Variants in TLR8 observed in about 807,000 individuals in gnomAD.
TLR8 encodes toll-like receptor 8.
Under a neutral mutation model 18.5 loss-of-function variants are expected in TLR8, and 5 were observed. The ratio of observed to expected loss-of-function variants is 0.27; its 90% CI spans 0.14 to 0.57. The LOEUF (loss-of-function observed/expected upper bound fraction) is 0.57. Ranked by LOEUF, TLR8 falls within the 20% of genes least tolerant of loss-of-function variation. The probability of loss-of-function intolerance (pLI) is 0.92; values close to 1 mark genes in which losing one functional copy is unlikely to be tolerated. For synonymous variants in TLR8, 299 were observed against 300.1 expected (o/e 1.00, Z 0.04); for missense variants, 543 against 769.8 (o/e 0.71, Z 3.49).
At chrX:12,907,083 A>T (rs1426605563) in intron 1 of TLR8, among the ~76,000 whole-genome samples, 1 of 112,415 alleles carries the variant, frequency 8.9e-6, no homozygotes. Flanking sequence ...TGAGGGAAAT[A>T]TTCTTCCTTT....
chrX:12,918,941 T>C, intron 1 of TLR8, 103 bp from the exon 2 acceptor site: 1 of 902,516 alleles, frequency 1.1e-6, no homozygotes. Context: ...AATGCACACA[T>C]CAAAATTCAT....
intron 1 of TLR8, among the ~76,000 whole-genome samples, chrX:12,914,228 A>G (rs1267623263): frequency 8.9e-6 from 1 of 111,825 alleles, no homozygotes; most frequent in African/African-American, 3.3e-5. Flanking sequence ...CTCACATTTT[A>G]TACCTAAACA....
chrX:12,914,756 T>G (rs1158857607), intron 1 of TLR8, among the ~76,000 whole-genome samples: 1 of 112,114 alleles, frequency 8.9e-6, no homozygotes, highest in Non-Finnish European at 1.9e-5. Flanking sequence ...ACTGAAGTTC[T>G]GTGCCCTCTT....
At chrX:12,908,811 T>G (rs1420942573) in intron 1 of TLR8, among the ~76,000 whole-genome samples, 13 of 112,544 alleles carry the variant, frequency 1.2e-4, no homozygotes. Flanking sequence ...ATGCTTTCTC[T>G]GAAAAGCTGA....
Position 12,919,078 on chromosome X carries a change from G to A in TLR8, c.38G>A (p.Cys13Tyr), listed in dbSNP as rs747672778. The A allele has an allele frequency of 1.7e-6, 2 of 1,208,542 alleles. No individual in the cohort carries two copies. The highest frequency in any genetic ancestry group is 1.7e-5 in the African/African-American group (1 of 57,665). ...TTCCTTCAGTCGTCAATGCTGACCT[G>A]CATTTTCCTGCTAATATCTGGTTCC... ...NMFLQSSMLT[C>Y]IFLLISGSCE... The change falls in exon 2 of 2, where the codon TGC (cysteine) becomes TAC (tyrosine). Residue 13 changes from cysteine (C) to tyrosine (Y), a missense_variant. Physicochemically the swap from Cys to Tyr is radical, Grantham distance 194 (BLOSUM62 -2). Coordinates refer to ENST00000218032, the MANE Select transcript of TLR8 (RefSeq NM_138636.5).
At chrX:12,909,271 C>G (rs1166284019) in intron 1 of TLR8, among the ~76,000 whole-genome samples, 1 of 112,352 alleles carries the variant, frequency 8.9e-6, no homozygotes, top group East Asian at 2.8e-4. Flanking sequence ...AATTCATAAA[C>G]TTTCTGAAAA....
In TLR8 at chrX:12,922,568, C is replaced by T. The variant is rs1176423394; in HGVS notation, c.*402C>T. 3 of 127,075 alleles carry T rather than the reference C, an allele frequency of 2.4e-5. No individual in the cohort carries two copies. The East Asian group carries it at 7.2e-4, about 30-fold the overall frequency. 10.5% of individuals were successfully genotyped at this position (127,075 alleles called of 1,213,427 possible). On this transcript the variant is annotated 3_prime_UTR_variant, in exon 2 of 2. Coordinates refer to ENST00000218032, the MANE Select transcript of TLR8 (RefSeq NM_138636.5). The stretch of plus-strand genomic sequence containing the variant: ...AGATGAAGTCACAATCTTTTGTAAT[C>T]GAATCAAAAAAGTGATATCTCATCA...
At position 12,922,189 on chromosome X, in the gene TLR8, C is replaced by T. The variant is rs1213419494; in HGVS notation, c.*23C>T. ...TAACTGACGTTAAGTCATGATTTCG[C>T]GCCATAATAAAGATGCAAAGGAATG... is the stretch of plus-strand genomic sequence containing the variant. On this transcript the variant is annotated 3_prime_UTR_variant, in exon 2 of 2. Transcript: ENST00000218032. 8.6e-6 allele frequency: 10 copies of T among 1,166,576 alleles called. No homozygotes were observed. The South Asian group carries it at 1.2e-4, about 14-fold the overall frequency.
chrX:12,916,340 C>T (rs776654978), intron 1 of TLR8, among the ~76,000 whole-genome samples: 1 of 112,150 alleles, frequency 8.9e-6, no homozygotes, highest in Non-Finnish European at 1.9e-5. Flanking sequence ...CTTCCCAGGC[C>T]ACCCACTAGC....
intron 1 of TLR8, among the ~76,000 whole-genome samples, chrX:12,917,142 C>A (rs2043061143): frequency 8.9e-6 from 1 of 112,305 alleles, no homozygotes; most frequent in Non-Finnish European, 1.9e-5. Context: ...GTCATCACAG[C>A]AGTAATACCC....
In TLR8 at chrX:12,921,194, G is replaced by T. The variant is rs1273608725; in HGVS notation, c.2154G>T (p.Leu718=). The change falls in exon 2 of 2, where the codon CTG becomes CTT. Residue 718 remains leucine, a synonymous_variant. Transcript: ENST00000218032. ...SDFTSSLRTL[L]LSHNRISHLP... is the part of the protein sequence containing the mutation. ...TTACATCTTCCCTTCGGACACTGCT[G>T]CTGAGTCATAACAGGATTTCCCACC... 1 of 1,211,743 alleles carries T rather than the reference G, an allele frequency of 8.3e-7. No individual in the cohort carries two copies. The highest frequency in any genetic ancestry group is 2.2e-5 in the Admixed American group (1 of 46,037).
chrX:12,909,732 T>C (rs1021521459), intron 1 of TLR8, among the ~76,000 whole-genome samples: 5 of 112,012 alleles, frequency 4.5e-5, no homozygotes, highest in African/African-American at 1.6e-4. Context: ...ATTCATTAAC[T>C]ACTCAGGTAA....
intron 1 of TLR8, among the ~76,000 whole-genome samples, chrX:12,912,410 T>C (rs1461338542): frequency 2.6e-5 from 3 of 113,330 alleles, no homozygotes; most frequent in African/African-American, 9.6e-5. Context: ...CTGCTCTGTC[T>C]TCTGAGATCA....
At chrX:12,917,404 A>G (rs2043062808) in intron 1 of TLR8, among the ~76,000 whole-genome samples, 1 of 112,616 alleles carries the variant, frequency 8.9e-6, no homozygotes, top group Non-Finnish European at 1.9e-5. Flanking sequence ...ATGTCCACAT[A>G]AAAATCTTTT....
chrX:12,912,527 C>T (rs1038716637), intron 1 of TLR8, among the ~76,000 whole-genome samples: 1 of 113,694 alleles, frequency 8.8e-6, no homozygotes, highest in Non-Finnish European at 1.9e-5. Context: ...TCCATTCCAA[C>T]TCTGTGCAGT....
In TLR8 at chrX:12,919,138, G is replaced by A; in HGVS notation, c.98G>A (p.Ser33Asn). 1 of 1,211,805 alleles carries A rather than the reference G, an allele frequency of 8.3e-7. No individual in the cohort carries two copies. Among genetic ancestry groups the A allele is most frequent in the East Asian group, 3.0e-5 (1 of 33,873 alleles). The change falls in exon 2 of 2, where the codon AGC becomes AAC. Residue 33 changes from serine to asparagine, a missense_variant. Physicochemically the swap from Ser to Asn is conservative, Grantham distance 46. Transcript: ENST00000218032. ...ELCAEENFSR[S>N]YPCDEKKQND... is the part of the protein sequence containing the mutation. ...TGCGCCGAAGAAAATTTTTCTAGAAGCTATCCTTGTGATGAGAAAAAGCAA... is the reference window on the plus strand; with the variant it reads ...TGCGCCGAAGAAAATTTTTCTAGAAACTATCCTTGTGATGAGAAAAAGCAA...
Position 12,920,547 on chromosome X carries a change from A to C in TLR8, c.1507A>C (p.Asn503His). The C allele has an allele frequency of 8.3e-7, 1 of 1,211,566 alleles. No individual in the cohort carries two copies. Among genetic ancestry groups the C allele is most frequent in the Non-Finnish European group, 1.1e-6 (1 of 895,427 alleles). ...CTTCATTGGGCCAAACCAATTTGAA[A>C]ATCTTCCTGACATTGCCTGTTTAAA... is the stretch of plus-strand genomic sequence containing the variant. ...IFFIGPNQFE[N>H]LPDIACLNLS... The change falls in exon 2 of 2, where the codon AAT becomes CAT. Residue 503 changes from asparagine (N) to histidine (H), a missense_variant. By Grantham distance (68) the Asn-to-His change is moderately conservative. Transcript: ENST00000218032.
intron 1 of TLR8, among the ~76,000 whole-genome samples, chrX:12,916,769 C>T (rs2043058474): frequency 8.9e-6 from 1 of 112,026 alleles, no homozygotes; most frequent in South Asian, 3.7e-4. Flanking sequence ...CTCATAAAGC[C>T]AAGCTGGGCT....
Position 12,920,147 on chromosome X carries a change from A to G in TLR8, c.1107A>G (p.Leu369=), listed in dbSNP as rs1038370564. ...GAAACTTCTCTAAACTTTTGTCTCTACGGGCATTGCATTTAAGAGGTTATG... is the reference window on the plus strand; with the variant it reads ...GAAACTTCTCTAAACTTTTGTCTCTGCGGGCATTGCATTTAAGAGGTTATG... The part of the protein sequence containing the change: ...ISRNFSKLLS[L]RALHLRGYVF... The change falls in exon 2 of 2, where the codon CTA becomes CTG. Residue 369 remains leucine, a synonymous_variant. Transcript: ENST00000218032. 7 of 1,211,212 alleles carry G rather than the reference A, an allele frequency of 5.8e-6. No individual in the cohort carries two copies. The highest frequency in any genetic ancestry group is 2.2e-5 in the Admixed American group (1 of 45,966).
Sources: gnomAD v4.1 joint callset for allele counts (sites outside exome capture counted in the v4.1 genomes callset) on GRCh38, gnomAD v4.1.1 for gene constraint, MANE v1.5 for transcripts, NCBI Gene and HGNC (gene_info 2026-07-23, HGNC 2026-07-21) for gene names.